ERMP1: variants seen among roughly 807,000 people sequenced by gnomAD.
ERMP1 encodes the protein Felix-ina.
Under a neutral mutation model 92.0 loss-of-function variants are expected in ERMP1, and 86 were observed. That is an observed-to-expected ratio of 0.93 (90% confidence interval 0.79 to 1.12). ERMP1 has a LOEUF of 1.12. ERMP1 is among the 50% of genes most tolerant of loss of function. ERMP1 has a pLI of 0.00. For synonymous variants in ERMP1, 530 were observed against 412.8 expected, an observed-to-expected ratio of 1.28 and a Z score of -3.44; for missense variants, 1,342 against 1,116.3, an observed-to-expected ratio of 1.20 and a Z score of -2.88.
At chr9:5,847,522 G>A (rs1349092181) in intron 6 of ERMP1, among the ~76,000 whole-genome samples, 2 of 151,996 alleles carry the variant, frequency 1.3e-5, no homozygotes, top group Non-Finnish European at 2.9e-5. Context: ...ACAGGTGTGA[G>A]CTACTGCACC....
At chr9:5,819,433 G>A (rs1829447582) in intron 4 of ERMP1, among the ~76,000 whole-genome samples, 1 of 152,186 alleles carries the variant, frequency 6.6e-6, no homozygotes, top group Admixed American at 6.5e-5. Context: ...CTTGCATAAA[G>A]GCCATTGCAA....
At chr9:5,861,441 T>C (rs1830492463) in intron 5 of ERMP1, among the ~76,000 whole-genome samples, 1 of 152,120 alleles carries the variant, frequency 6.6e-6, no homozygotes, top group South Asian at 2.1e-4. Context: ...TATTGAGGTA[T>C]TCAGTACCAC....
chr9:5,813,778 C>T (rs1440641479), intron 4 of ERMP1, among the ~76,000 whole-genome samples: 1 of 150,710 alleles, frequency 6.6e-6, no homozygotes, highest in South Asian at 2.1e-4. Context: ...AATAATTTTC[C>T]ATCTGTATCT....
rs1297459400 is a variant in ERMP1 at position 5,832,925 on chromosome 9, C to A, written c.103G>T (p.Ala35Ser). The A allele has an allele frequency of 1.1e-5, 17 of 1,562,356 alleles. No individual in the cohort carries two copies. Among genetic ancestry groups the A allele is most frequent in the Non-Finnish European group, 1.5e-5 (17 of 1,165,326 alleles). The part of the protein sequence containing the change: ...AAPPPEREAR[A>S]QEPLVDGCSG... ...CACCCATCCACCAGAGGCTCCTGCGCTCGGGCCTCCCTCTCCGGCGGTGGC... is the reference window on the plus strand; with the variant it reads ...CACCCATCCACCAGAGGCTCCTGCGATCGGGCCTCCCTCTCCGGCGGTGGC... Residue 35 changes from alanine to serine, a missense_variant, in exon 1 of 15, where the codon GCG becomes TCG. Physicochemically the swap from Ala to Ser is moderately conservative, Grantham distance 99. Coordinates refer to ENST00000339450, the MANE Select transcript of ERMP1 (RefSeq NM_024896.3).
intron 6 of ERMP1, among the ~76,000 whole-genome samples, chr9:5,859,062 T>A (rs1830424560): frequency 1.3e-5 from 2 of 152,218 alleles, no homozygotes; most frequent in Non-Finnish European, 2.9e-5. Context: ...AGTAACCTAT[T>A]CCAAACATCA....
Position 5,812,901 on chromosome 9 carries a change from C to A in ERMP1, c.1009G>T (p.Gly337Trp). Residue 337 changes from glycine to tryptophan, a missense_variant, in exon 5 of 15, where the codon GGG (glycine) becomes TGG (tryptophan). Physicochemically the swap from Gly to Trp is radical, Grantham distance 184. Coordinates refer to ENST00000339450, the MANE Select transcript of ERMP1 (RefSeq NM_024896.3). ...ATTGACAATATACCTGGAATGTTCC[C>A]AAAATCCCTGTAGATACGAAAGTCA... is the stretch of plus-strand genomic sequence containing the variant. Reference protein sequence around the residue: ...DTDFRIYRDFGNIPGIDLAFI... With the variant: ...DTDFRIYRDFWNIPGIDLAFI... 6.2e-7 allele frequency: 1 copy of A among 1,613,942 alleles called. No individual in the cohort carries two copies. The highest frequency in any genetic ancestry group is 8.5e-7 in the Non-Finnish European group (1 of 1,179,886).
chr9:5,801,088 G>C (rs766897027), intron 11 of ERMP1, 88 bp downstream of exon 11: 18 of 1,402,814 alleles, frequency 1.3e-5, no homozygotes, highest in Admixed American at 4.6e-5. Flanking sequence ...CAGCAGAAAA[G>C]TCAGCTGCGC....
chr9:5,860,377 C>T (rs1830449187), intron 5 of ERMP1, among the ~76,000 whole-genome samples: 1 of 152,004 alleles, frequency 6.6e-6, no homozygotes, highest in African/African-American at 2.4e-5. Context: ...AGTTTACTGC[C>T]AGCAAGCACA....
At position 5,786,513 on chromosome 9, in the gene ERMP1, C is replaced by G. The variant is rs557139669; in HGVS notation, c.*631G>C. 1 of 152,488 alleles carries G rather than the reference C, an allele frequency of 6.6e-6. No individual in the cohort carries two copies. The highest frequency in any genetic ancestry group is 1.5e-5 in the Non-Finnish European group (1 of 68,202). The allele number at this position is 152,488 out of a possible 1,614,324, so 9.4% of individuals were successfully genotyped here. On this transcript the variant is annotated 3_prime_UTR_variant, in exon 15 of 15. Coordinates refer to ENST00000339450, the MANE Select transcript of ERMP1 (RefSeq NM_024896.3). ...GCACAGCAGTGCATCTGTGTGTCCA[C>G]TTGTCAGGACAGTGAGTCACCAGCT...
intron 4 of ERMP1, among the ~76,000 whole-genome samples, chr9:5,823,245 C>A (rs1395331413): frequency 6.6e-6 from 1 of 151,654 alleles, no homozygotes; most frequent in Non-Finnish European, 1.5e-5. Context: ...CCAGTGCACT[C>A]GAGCCTGGGT....
At chr9:5,810,551 T>C (rs1391435672) in intron 7 of ERMP1, among the ~76,000 whole-genome samples, 5 of 152,206 alleles carry the variant, frequency 3.3e-5, no homozygotes, top group Admixed American at 6.5e-5. Context: ...GCTTTGTGTA[T>C]CAAAATATTA....
At chr9:5,857,089 T>C (rs918115378) in intron 6 of ERMP1, among the ~76,000 whole-genome samples, 7 of 152,162 alleles carry the variant, frequency 4.6e-5, no homozygotes, top group African/African-American at 1.7e-4. Flanking sequence ...GGCACAATTA[T>C]AGCTCATTGC....
intron 2 of ERMP1, among the ~76,000 whole-genome samples, chr9:5,826,338 G>C (rs919864739): frequency 6.6e-6 from 1 of 152,186 alleles, no homozygotes; most frequent in Non-Finnish European, 1.5e-5. Context: ...GTGGATTTGA[G>C]AGCAAGAAAG....
At chr9:5,812,087 T>A in intron 6 of ERMP1, 38 bp downstream of exon 6, 1 of 1,235,140 alleles carries the variant, frequency 8.1e-7, no homozygotes. Context: ...TAACATTCCA[T>A]CTTAGTGTAT....
At chr9:5,829,771 C>T (rs1027500643) in intron 2 of ERMP1, among the ~76,000 whole-genome samples, 2 of 152,220 alleles carry the variant, frequency 1.3e-5, no homozygotes, top group Non-Finnish European at 2.9e-5. Context: ...AAATGTACTC[C>T]TGTATCAAAT....
At chr9:5,787,644 A>T in intron 13 of ERMP1, 51 bp from the exon 14 acceptor site, 2 of 1,554,406 alleles carry the variant, frequency 1.3e-6, no homozygotes, top group Non-Finnish European at 1.7e-6. Context: ...AAGGATCAAA[A>T]AAATAACCCA....
chr9:5,816,696 C>G, intron 4 of ERMP1, among the ~76,000 whole-genome samples: 1 of 152,200 alleles, frequency 6.6e-6, no homozygotes, highest in East Asian at 1.9e-4. Flanking sequence ...ATAGCAAAAA[C>G]CTGGAAACAA....
chr9:5,832,458 C>A (rs1829984669), intron 1 of ERMP1: 1 of 456,624 alleles, frequency 2.2e-6, no homozygotes, highest in Non-Finnish European at 3.8e-6. Flanking sequence ...ATCTACCTGG[C>A]AACCCCAATC....
At chr9:5,793,641 G>C (rs952305172) in intron 13 of ERMP1, among the ~76,000 whole-genome samples, 36 of 152,150 alleles carry the variant, frequency 2.4e-4, no homozygotes, top group African/African-American at 8.4e-4. Flanking sequence ...GAAAGTAGGA[G>C]AGCAATATTA....
Sources: allele counts gnomAD v4.1 joint callset (sites outside exome capture counted in the v4.1 genomes callset), GRCh38; gene constraint gnomAD v4.1.1; transcripts MANE v1.5; gene names NCBI Gene and HGNC (gene_info 2026-07-23, HGNC 2026-07-21).